PLB1: variants seen among roughly 807,000 people sequenced by gnomAD.
PLB1 encodes the protein phospholipase B1, membrane-associated.
PLB1 carries 242 observed loss-of-function variants against 227.4 expected under a neutral mutation model. The ratio of observed to expected loss-of-function variants is 1.06; its 90% CI spans 0.96 to 1.18. The LOEUF is 1.18. Ranked by LOEUF, PLB1 falls within the 50% of genes most tolerant of loss-of-function variation. PLB1 has a pLI of 0.00. For missense variants in PLB1, 1,858 were observed against 1,816.3 expected, an observed-to-expected ratio of 1.02 and a Z score of -0.42; for synonymous variants, 757 against 682.2, an observed-to-expected ratio of 1.11 and a Z score of -1.71.
intron 1 of PLB1, among the ~76,000 whole-genome samples, chr2:28,499,621 C>A (rs973481826): frequency 1.3e-5 from 2 of 151,650 alleles, no homozygotes; most frequent in Non-Finnish European, 2.9e-5. Context: ...CGTGGTGGCT[C>A]ACACCTGTAA....
At chr2:28,599,949 C>T (rs112358215) in intron 35 of PLB1, among the ~76,000 whole-genome samples, 1 of 151,982 alleles carries the variant, frequency 6.6e-6, no homozygotes, top group African/African-American at 2.4e-5. Flanking sequence ...CACTCTGTCA[C>T]CTAGGCTGAG....
chr2:28,585,901 T>C (rs1680830978), intron 26 of PLB1, 59 bp downstream of exon 26: 1 of 1,440,070 alleles, frequency 6.9e-7, no homozygotes, highest in Non-Finnish European at 9.8e-7. Flanking sequence ...GATTGCTCTG[T>C]CTAGAGAACA....
rs115013877 is a variant in PLB1 at position 28,558,892 on chromosome 2, C to G, written c.1148-4149C>G. 6.6e-3 allele frequency among the ~76,000 whole-genome samples: 1,011 copies of G among 152,108 alleles called. 16 individuals carry two copies. Among genetic ancestry groups the G allele is most frequent in the African/African-American group, 0.023 (968 of 41,482 alleles). ...TACACACAGGAGAAACAACTCTAGT[C>G]TTTTTTTTCTTTTTTATTGAAGGAG... On this transcript the variant is annotated intron_variant, in intron 17 of 57. Coordinates refer to ENST00000327757, the MANE Select transcript of PLB1 (RefSeq NM_153021.5).
chr2:28,602,501 G>A (rs534636722), intron 38 of PLB1, among the ~76,000 whole-genome samples: 70 of 152,372 alleles, frequency 4.6e-4, no homozygotes, highest in Non-Finnish European at 9.3e-4. Flanking sequence ...CTGGAGGGAA[G>A]AGGTTGCCTA....
chr2:28,620,740 A>C (rs1339746758), intron 48 of PLB1, 97 bp downstream of exon 48: 10 of 1,570,354 alleles, frequency 6.4e-6, no homozygotes, highest in Non-Finnish European at 8.8e-6. Context: ...TATCTGCAAG[A>C]AGGGAAGTCA....
intron 6 of PLB1, among the ~76,000 whole-genome samples, chr2:28,528,629 C>G (rs896371601): frequency 2.0e-5 from 3 of 152,230 alleles, no homozygotes; most frequent in African/African-American, 7.2e-5. Flanking sequence ...CTGTGAGACC[C>G]TGGGCAGCTC....
At chr2:28,523,931 C>T (rs1476456359) in intron 4 of PLB1, among the ~76,000 whole-genome samples, 3 of 152,204 alleles carry the variant, frequency 2.0e-5, no homozygotes, top group Admixed American at 1.3e-4. Flanking sequence ...CCTAACCTGT[C>T]GGGTGTCTTT....
At chr2:28,627,384 C>T (rs1438192834) in intron 51 of PLB1, among the ~76,000 whole-genome samples, 2 of 152,154 alleles carry the variant, frequency 1.3e-5, no homozygotes, top group Admixed American at 1.3e-4. Context: ...TGGACGCTGG[C>T]GTAGGGAAAT....
At chr2:28,586,596 T>C (rs1680941011) in intron 26 of PLB1, among the ~76,000 whole-genome samples, 1 of 152,156 alleles carries the variant, frequency 6.6e-6, no homozygotes, top group African/African-American at 2.4e-5. Context: ...GCAGTACCAC[T>C]TCCCTGCCAC....
chr2:28,629,262 A>G, intron 53 of PLB1, 77 bp downstream of exon 53: 1 of 1,372,864 alleles, frequency 7.3e-7, no homozygotes, highest in Middle Eastern at 2.0e-4. Context: ...GGAGGAGACC[A>G]GTTGAGGCAG....
intron 57 of PLB1, among the ~76,000 whole-genome samples, chr2:28,641,930 C>A (rs1258847243): frequency 6.6e-6 from 1 of 152,084 alleles, no homozygotes; most frequent in Non-Finnish European, 1.5e-5. Flanking sequence ...GGGAGGGTCA[C>A]CTCCCTCCAT....
chr2:28,548,640 G>A (rs1329446914), intron 14 of PLB1: 6 of 622,446 alleles, frequency 9.6e-6, no homozygotes, highest in Non-Finnish European at 1.5e-5. Flanking sequence ...TCTCAAACTC[G>A]GGTGTGCATC....
chr2:28,620,263 A>G lies in PLB1; in HGVS notation c.3316-2A>G. On this transcript the variant is annotated splice_acceptor_variant, in intron 46 of 57. Transcript: ENST00000327757. LOFTEE classifies it high-confidence loss of function. ...CCTGAACTTTCTTTTTGCTTTTTAC[A>G]GACAGCAGTGGGAGCTCGACCAAAC... 1.3e-6 allele frequency: 2 copies of G among 1,592,948 alleles called. No individual in the cohort carries two copies. The highest frequency in any genetic ancestry group is 1.1e-5 in the South Asian group (1 of 88,464).
chr2:28,538,765 C>T (rs1672062682), intron 10 of PLB1, among the ~76,000 whole-genome samples: 1 of 152,186 alleles, frequency 6.6e-6, no homozygotes, highest in African/African-American at 2.4e-5. Context: ...TGCTGTGGCC[C>T]TGCCTTCCGC....
At chr2:28,631,989 G>A (rs1374803731) in intron 54 of PLB1, 47 bp from the exon 55 acceptor site, 1 of 1,511,728 alleles carries the variant, frequency 6.6e-7, no homozygotes, top group African/African-American at 1.4e-5. Flanking sequence ...GACCCTGTCT[G>A]TGCAGCCTTG....
At chr2:28,591,822 G>A (rs1682003652) in intron 31 of PLB1, 62 bp downstream of exon 31, 2 of 1,517,036 alleles carry the variant, frequency 1.3e-6, no homozygotes, top group African/African-American at 1.4e-5. Context: ...ATGCTGGTGA[G>A]TCCTCTGACC....
intron 17 of PLB1, 56 bp from the exon 18 acceptor site, chr2:28,562,985 G>T: frequency 6.8e-7 from 1 of 1,476,998 alleles, no homozygotes; most frequent in East Asian, 2.3e-5. Context: ...AGAGTAGATG[G>T]GTCCAGTGCT....
At chr2:28,597,732 G>A (rs191700441) in intron 33 of PLB1, among the ~76,000 whole-genome samples, 80 of 152,246 alleles carry the variant, frequency 5.3e-4, no homozygotes, top group African/African-American at 1.7e-3. Context: ...GTGCATGTCT[G>A]GGCACATAGT....
chr2:28,559,731 G>A (rs1310183764), intron 17 of PLB1, among the ~76,000 whole-genome samples: 2 of 143,770 alleles, frequency 1.4e-5, no homozygotes, highest in Non-Finnish European at 3.0e-5. Context: ...TTCACTGCAG[G>A]CCTGAAAGCT....
Sources: allele counts gnomAD v4.1 joint callset (sites outside exome capture counted in the v4.1 genomes callset), GRCh38; gene constraint gnomAD v4.1.1; transcripts MANE v1.5; gene names NCBI Gene and HGNC (gene_info 2026-07-23, HGNC 2026-07-21).